PPP6R3: variants seen among roughly 807,000 people sequenced by gnomAD.
PPP6R3 encodes serine/threonine-protein phosphatase 6 regulatory subunit 3.
Under a neutral mutation model 110.7 loss-of-function variants are expected in PPP6R3, and 38 were observed. The observed-to-expected ratio is 0.34, with a 90% CI of 0.26 to 0.45. The LOEUF (loss-of-function observed/expected upper bound fraction) is 0.45. Among genes scored for constraint, PPP6R3 ranks in the 20% least tolerant of loss-of-function variants. The probability of loss-of-function intolerance (pLI) is 1.00; values close to 1 mark genes in which losing one functional copy is unlikely to be tolerated. For missense variants in PPP6R3, 870 were observed against 1,062.4 expected (o/e 0.82, Z 2.52); for synonymous variants, 369 against 373.5 (o/e 0.99, Z 0.14).
intron 12 of PPP6R3, among the ~76,000 whole-genome samples, chr11:68,571,953 C>G (rs982012481): frequency 1.8e-4 from 28 of 152,036 alleles, no homozygotes; most frequent in African/African-American, 6.3e-4. Flanking sequence ...TGTTATGTGT[C>G]TCTGTGTCTC....
chr11:68,521,024 G>C (rs1212541946), intron 2 of PPP6R3, among the ~76,000 whole-genome samples: 1 of 152,150 alleles, frequency 6.6e-6, no homozygotes, highest in East Asian at 1.9e-4. Context: ...CACCTGCCTA[G>C]GCCTCCCAAA....
intron 16 of PPP6R3, 114 bp from the exon 17 acceptor site, chr11:68,590,546 A>T: frequency 8.6e-7 from 1 of 1,161,308 alleles, no homozygotes; most frequent in Non-Finnish European, 1.2e-6. Flanking sequence ...TTTTTTATTT[A>T]TAGAGATTTT....
intron 2 of PPP6R3, among the ~76,000 whole-genome samples, chr11:68,527,546 G>T (rs1257187711): frequency 6.6e-6 from 1 of 152,178 alleles, no homozygotes; most frequent in Non-Finnish European, 1.5e-5. Flanking sequence ...TAGGAAATAC[G>T]AACTCTGTTG....
Position 68,517,520 on chromosome 11 carries a change from A to C in PPP6R3, c.-157-1981A>C, listed in dbSNP as rs146746725. 3.6e-3 allele frequency among the ~76,000 whole-genome samples: 552 copies of C among 152,350 alleles called. 4 individuals are homozygous for C. The highest frequency in any genetic ancestry group is 0.013 in the African/African-American group (532 of 41,572). On this transcript the variant is annotated intron_variant, in intron 1 of 23. Transcript: ENST00000393800. ...AAGCCGAACAGAGAATGCATAAGAC[A>C]AATCCAGAACATGTTACATGAGGAA...
At chr11:68,564,244 TA>T in intron 8 of PPP6R3, 58 bp from the exon 9 acceptor site, 1 of 1,495,920 alleles carries the variant, frequency 6.7e-7, no homozygotes, top group East Asian at 2.3e-5. Context: ...ACATGGTCGA[TA>T]ACCTTGAATG....
At chr11:68,600,317 A>G (rs746316897) in intron 19 of PPP6R3, 24 bp from the exon 20 acceptor site, 17 of 1,607,920 alleles carry the variant, frequency 1.1e-5, no homozygotes, top group South Asian at 3.3e-5. Flanking sequence ...TGTTTTCCAA[A>G]TAGAATTTCT....
chr11:68,462,881 T>G (rs1392438876), intron 1 of PPP6R3, among the ~76,000 whole-genome samples: 1 of 152,238 alleles, frequency 6.6e-6, no homozygotes. Flanking sequence ...ATGAGTATCT[T>G]GCTGGTGGAA....
chr11:68,561,420 G>C (rs1439177748), intron 8 of PPP6R3, among the ~76,000 whole-genome samples: 1 of 152,080 alleles, frequency 6.6e-6, no homozygotes, highest in Non-Finnish European at 1.5e-5. Flanking sequence ...TTGATTTCCA[G>C]TTAATTGAGT....
intron 1 of PPP6R3, among the ~76,000 whole-genome samples, chr11:68,490,742 A>C (rs2098978974): frequency 6.6e-6 from 1 of 151,854 alleles, no homozygotes. Flanking sequence ...TGATAGATCC[A>C]CAGAGGGATT....
At chr11:68,568,587 G>A (rs1159249621) in intron 10 of PPP6R3, among the ~76,000 whole-genome samples, 3 of 152,056 alleles carry the variant, frequency 2.0e-5, no homozygotes, top group Non-Finnish European at 4.4e-5. Flanking sequence ...TCACGTTACT[G>A]CCTCTCGTAT....
chr11:68,578,559 G>A (rs1314194988), intron 14 of PPP6R3, among the ~76,000 whole-genome samples: 2 of 152,158 alleles, frequency 1.3e-5, no homozygotes, highest in African/African-American at 4.8e-5. Context: ...TCAGCACCAC[G>A]TGCTTAAGTT....
chr11:68,587,374 C>T (rs142916308), intron 15 of PPP6R3: 1 of 155,514 alleles, frequency 6.4e-6, no homozygotes, highest in Admixed American at 6.4e-5. Context: ...TTATATTCTT[C>T]CCAGCCTCTA....
intron 1 of PPP6R3, among the ~76,000 whole-genome samples, chr11:68,500,564 A>C (rs2099043215): frequency 6.6e-6 from 1 of 152,198 alleles, no homozygotes; most frequent in Admixed American, 6.5e-5. Context: ...TGCAACCTCC[A>C]CCACCTGGGT....
At position 68,614,950 on chromosome 11, in the gene PPP6R3, C is replaced by G. The variant is rs1256210555; in HGVS notation, c.*1833C>G. The G allele has an allele frequency of 6.5e-6, 4 of 614,068 alleles. No homozygotes were observed. The highest frequency in any genetic ancestry group is 1.2e-5 in the Non-Finnish European group (4 of 330,822). The allele number at this position is 614,068 out of a possible 1,614,324, so 38.0% of individuals were successfully genotyped here. A position where few individuals can be genotyped will look rare whatever the true frequency, so the allele number is the denominator to read the frequency against. On this transcript the variant is annotated 3_prime_UTR_variant, in exon 24 of 24. Transcript: ENST00000393800. ...AGGGTTTGGCTCCACTGGTGGCACA[C>G]GTGGCCTCCGTGGTATGGACCTGGT...
At chr11:68,490,745 G>A (rs2098979039) in intron 1 of PPP6R3, among the ~76,000 whole-genome samples, 1 of 151,978 alleles carries the variant, frequency 6.6e-6, no homozygotes, top group African/African-American at 2.4e-5. Context: ...TAGATCCACA[G>A]AGGGATTCTT....
intron 7 of PPP6R3, 72 bp from the exon 8 acceptor site, chr11:68,558,494 C>T (rs915451021): frequency 3.8e-5 from 35 of 912,364 alleles, no homozygotes; most frequent in East Asian, 4.9e-5. Flanking sequence ...TGTCTTGTAC[C>T]GTCGTCTTTT....
At chr11:68,598,698 T>A (rs930424530) in intron 19 of PPP6R3, among the ~76,000 whole-genome samples, 11 of 152,172 alleles carry the variant, frequency 7.2e-5, no homozygotes, top group Admixed American at 6.5e-4. Flanking sequence ...GAGGAGCTCA[T>A]CTGGGAAAGA....
intron 4 of PPP6R3, among the ~76,000 whole-genome samples, chr11:68,546,806 C>G (rs1453004689): frequency 6.6e-6 from 1 of 152,172 alleles, no homozygotes; most frequent in South Asian, 2.1e-4. Flanking sequence ...GCTGTACTGT[C>G]CACCACACTA....
intron 20 of PPP6R3, among the ~76,000 whole-genome samples, 160 bp downstream of exon 20, chr11:68,600,654 TAAG>T (rs1258228291): frequency 1.3e-5 from 2 of 152,242 alleles, no homozygotes; most frequent in Admixed American, 6.5e-5. Flanking sequence ...CTCTGTGTTG[TAAG>T]AAGAACAATC....
Sources: gnomAD v4.1 joint callset for allele counts (sites outside exome capture counted in the v4.1 genomes callset) on GRCh38, gnomAD v4.1.1 for gene constraint, MANE v1.5 for transcripts, NCBI Gene and HGNC (gene_info 2026-07-23, HGNC 2026-07-21) for gene names.